The following CDH13 variants were observed in gnomAD, a reference collection of about 807,000 sequenced individuals.
CDH13 encodes the protein cadherin 13.
CDH13 carries 24 observed loss-of-function variants against 63.8 expected under a neutral mutation model. That is an observed-to-expected ratio of 0.38 (90% CI 0.27 to 0.53). CDH13 has a LOEUF of 0.53. Ranked by LOEUF, CDH13 falls within the 20% of genes least tolerant of loss-of-function variation. The probability of loss-of-function intolerance (pLI) is 0.85; values close to 1 mark genes in which losing one functional copy is unlikely to be tolerated. For missense variants in CDH13, 1,049 were observed against 903.1 expected, an observed-to-expected ratio of 1.16 and a Z score of -2.07; for synonymous variants, 503 against 355.3, an observed-to-expected ratio of 1.42 and a Z score of -4.67.
intron 6 of CDH13, among the ~76,000 whole-genome samples, chr16:83,461,855 G>A (rs1322469596): frequency 6.6e-6 from 1 of 152,206 alleles, no homozygotes; most frequent in Non-Finnish European, 1.5e-5. Flanking sequence ...TTCTGGCTCT[G>A]TGTACCCAAG....
intron 6 of CDH13, among the ~76,000 whole-genome samples, chr16:83,378,449 C>T (rs2091495795): frequency 6.6e-6 from 1 of 152,182 alleles, no homozygotes; most frequent in South Asian, 2.1e-4. Flanking sequence ...TTCTAGTTGT[C>T]TGCAACGATA....
At chr16:83,339,274 C>G (rs545009747) in intron 5 of CDH13, among the ~76,000 whole-genome samples, 1 of 152,126 alleles carries the variant, frequency 6.6e-6, no homozygotes, top group African/African-American at 2.4e-5. Flanking sequence ...ATCCTCTAGA[C>G]AATATTTAGA....
At chr16:83,472,273 C>A (rs1227546149) in intron 6 of CDH13, among the ~76,000 whole-genome samples, 1 of 152,196 alleles carries the variant, frequency 6.6e-6, no homozygotes, top group East Asian at 1.9e-4. Context: ...TGCTGCTAAC[C>A]CTCTGAGTAT....
At chr16:83,633,813 C>A (rs1910995679) in intron 8 of CDH13, among the ~76,000 whole-genome samples, 1 of 152,112 alleles carries the variant, frequency 6.6e-6, no homozygotes, top group Non-Finnish European at 1.5e-5. Flanking sequence ...AAAGTAGATT[C>A]CATCATAAAC....
intron 2 of CDH13, among the ~76,000 whole-genome samples, chr16:82,955,924 A>G (rs1358110785): frequency 6.6e-6 from 1 of 152,194 alleles, no homozygotes; most frequent in Non-Finnish European, 1.5e-5. Flanking sequence ...ATCAAATACT[A>G]CTATGAAATA....
At chr16:83,139,915 T>C (rs1203852422) in intron 4 of CDH13, among the ~76,000 whole-genome samples, 2 of 152,050 alleles carry the variant, frequency 1.3e-5, no homozygotes, top group Non-Finnish European at 2.9e-5. Context: ...GGCAGGAGAA[T>C]TGCTTGAACC....
intron 3 of CDH13, among the ~76,000 whole-genome samples, chr16:83,036,541 A>G (rs927779170): frequency 8.5e-5 from 13 of 152,146 alleles, no homozygotes; most frequent in Admixed American, 6.5e-4. Context: ...ATGCAGTTAC[A>G]ACAGAGGCAA....
intron 6 of CDH13, among the ~76,000 whole-genome samples, chr16:83,475,668 G>A (rs1050338369): frequency 8.7e-5 from 13 of 150,144 alleles, no homozygotes; most frequent in African/African-American, 2.2e-4. Context: ...TGCAGCCTTC[G>A]CCTCTCGTGT....
At chr16:83,461,673 G>C (rs1415958458) in intron 6 of CDH13, among the ~76,000 whole-genome samples, 1 of 152,186 alleles carries the variant, frequency 6.6e-6, no homozygotes, top group African/African-American at 2.4e-5. Flanking sequence ...GCATCAAGGT[G>C]TATCTTGTAT....
At chr16:82,805,398 C>T (rs965722467) in intron 1 of CDH13, among the ~76,000 whole-genome samples, 3 of 152,204 alleles carry the variant, frequency 2.0e-5, no homozygotes, top group African/African-American at 7.2e-5. Flanking sequence ...CTTGTCTTAT[C>T]TCAGCTATGC....
At chr16:83,778,042 G>T (rs961205604) in intron 11 of CDH13, among the ~76,000 whole-genome samples, 1 of 152,194 alleles carries the variant, frequency 6.6e-6, no homozygotes, top group African/African-American at 2.4e-5. Flanking sequence ...ATTATTTTGG[G>T]AATAAGGCAA....
chr16:83,456,776 A>G (rs1384245865), intron 6 of CDH13, among the ~76,000 whole-genome samples: 1 of 152,182 alleles, frequency 6.6e-6, no homozygotes, highest in Non-Finnish European at 1.5e-5. Flanking sequence ...AGCCTGGCCA[A>G]TATGGCAAAA....
chr16:83,696,901 C>T (rs576943837), intron 10 of CDH13, among the ~76,000 whole-genome samples: 1 of 152,180 alleles, frequency 6.6e-6, no homozygotes, highest in Non-Finnish European at 1.5e-5. Flanking sequence ...TCCCATTTCA[C>T]ACTGAAGTAA....
intron 3 of CDH13, among the ~76,000 whole-genome samples, chr16:83,061,160 G>C (rs2031515909): frequency 1.3e-5 from 2 of 152,236 alleles, no homozygotes; most frequent in South Asian, 4.1e-4. Context: ...CAGTGGAGGA[G>C]AGTTGGACCT....
At chr16:83,138,981 G>A (rs1338205320) in intron 4 of CDH13, among the ~76,000 whole-genome samples, 1 of 152,104 alleles carries the variant, frequency 6.6e-6, no homozygotes, top group Non-Finnish European at 1.5e-5. Context: ...GCCTCTATAG[G>A]ACGCTGAACA....
At chr16:82,730,604 G>A (rs908530045) in intron 1 of CDH13, among the ~76,000 whole-genome samples, 1 of 152,198 alleles carries the variant, frequency 6.6e-6, no homozygotes, top group African/African-American at 2.4e-5. Flanking sequence ...TTGAAATATT[G>A]CAGGAAAGAC....
At chr16:82,868,339 A>T (rs553987368) in intron 2 of CDH13, among the ~76,000 whole-genome samples, 1 of 152,296 alleles carries the variant, frequency 6.6e-6, no homozygotes, top group East Asian at 1.9e-4. Context: ...CTTCCCTCCT[A>T]CCAATCCATT....
At chr16:82,817,087 C>G (rs964813478) in intron 1 of CDH13, among the ~76,000 whole-genome samples, 1 of 152,068 alleles carries the variant, frequency 6.6e-6, no homozygotes, top group Non-Finnish European at 1.5e-5. Flanking sequence ...CAGATTGAGG[C>G]TAAGTTTTCC....
At position 83,650,279 on chromosome 16, in the gene CDH13, AG is replaced by A. The variant is rs1289584203; in HGVS notation, c.1102-20508del. 4.6e-5 allele frequency among the ~76,000 whole-genome samples: 7 copies of A among 152,340 alleles called. No individual in the cohort carries two copies. In the South Asian group the frequency reaches 1.5e-3, roughly 32 times the overall value. On this transcript the variant is annotated intron_variant, in intron 8 of 13. Coordinates refer to ENST00000567109, the MANE Select transcript of CDH13 (RefSeq NM_001257.5). Reference sequence around the variant, plus strand: ...TATCAGCTGCTAATTCAAAAATTGTAGGGTAATGAAAACTACATCAATAATT... The same window carrying A: ...TATCAGCTGCTAATTCAAAAATTGTAGGTAATGAAAACTACATCAATAATT...
Sources: gnomAD v4.1 joint callset for allele counts (sites outside exome capture counted in the v4.1 genomes callset) on GRCh38, gnomAD v4.1.1 for gene constraint, MANE v1.5 for transcripts, NCBI Gene and HGNC (gene_info 2026-07-23, HGNC 2026-07-21) for gene names.